The following EFCAB6 variants were observed in gnomAD, a reference collection of about 807,000 sequenced individuals.
EFCAB6 encodes the protein EF-hand calcium-binding domain-containing protein 6.
A neutral mutation model predicts 169.8 loss-of-function variants in EFCAB6; 156 were observed. The ratio of observed to expected loss-of-function variants is 0.92; its 90% CI spans 0.81 to 1.05. EFCAB6 has a LOEUF of 1.05. Among genes scored for constraint, EFCAB6 ranks in the 50% least tolerant of loss-of-function variants. The probability of loss-of-function intolerance (pLI) is 0.00; values close to 1 mark genes in which losing one functional copy is unlikely to be tolerated. For missense variants in EFCAB6, 1,800 were observed against 1,829.1 expected, an observed-to-expected ratio of 0.98 and a Z score of 0.29; for synonymous variants, 698 against 676.4, an observed-to-expected ratio of 1.03 and a Z score of -0.50.
intron 11 of EFCAB6, 140 bp from the exon 12 acceptor site, chr22:43,683,995 G>T (rs571463906): frequency 6.3e-6 from 4 of 639,088 alleles, no homozygotes; most frequent in African/African-American, 5.5e-5. Context: ...ACAGTGTGCT[G>T]CACTTGTGGG....
At chr22:43,801,894 C>T (rs547578456) in intron 2 of EFCAB6, among the ~76,000 whole-genome samples, 4 of 152,226 alleles carry the variant, frequency 2.6e-5, no homozygotes, top group Middle Eastern at 3.4e-3. Context: ...TTCATTGACT[C>T]GGTTCTCCAA....
At chr22:43,550,659 G>A (rs2048327862) in intron 27 of EFCAB6, among the ~76,000 whole-genome samples, 1 of 147,312 alleles carries the variant, frequency 6.8e-6, no homozygotes, top group African/African-American at 2.5e-5. Context: ...ATGACACAGT[G>A]AGACTCTGTC....
chr22:43,555,261 G>C (rs569284901), intron 26 of EFCAB6, among the ~76,000 whole-genome samples, 165 bp from the exon 27 acceptor site: 34 of 152,344 alleles, frequency 2.2e-4, no homozygotes, highest in African/African-American at 7.2e-4. Flanking sequence ...TCCAGCCCCA[G>C]GTCAGGCCCT....
chr22:43,784,541 G>GTGTGTGTATATA (rs1556409935), intron 2 of EFCAB6, among the ~76,000 whole-genome samples: 1 of 79,706 alleles, frequency 1.3e-5, no homozygotes, highest in South Asian at 5.1e-4. Flanking sequence ...GTGTGTGTGT[G>GTGTGTGTATATA]TGTATATGTA....
chr22:43,784,644 CATATATATGTGTATATAT>C (rs2061995588), intron 2 of EFCAB6, among the ~76,000 whole-genome samples: 1 of 81,472 alleles, frequency 1.2e-5, no homozygotes, highest in African/African-American at 4.4e-5. Context: ...TATATGTACA[CATATATATGTGTATATAT>C]ACATATACAT....
chr22:43,632,258 C>T lies in EFCAB6; in HGVS notation c.2099-20G>A, dbSNP rs377392859. ...GAGGATCTGGAACAATTACAAAGATCGGGGTTTCCATTAGTGCCCATCAGC... is the reference window on the plus strand; with the variant it reads ...GAGGATCTGGAACAATTACAAAGATTGGGGTTTCCATTAGTGCCCATCAGC... On this transcript the variant is annotated intron_variant, in intron 18 of 31. Transcript: ENST00000262726. 6.6e-5 allele frequency: 103 copies of T among 1,564,766 alleles called. No individual in the cohort carries two copies. The East Asian group carries it at 1.1e-3, about 17-fold the overall frequency.
At chr22:43,782,103 G>T in intron 3 of EFCAB6, 77 bp downstream of exon 3, 4 of 1,432,874 alleles carry the variant, frequency 2.8e-6, no homozygotes, top group Non-Finnish European at 3.8e-6. Flanking sequence ...TGAGTCCTTT[G>T]AACTAAGCTT....
chr22:43,681,577 T>G (rs1026681675), intron 12 of EFCAB6, among the ~76,000 whole-genome samples: 1 of 152,206 alleles, frequency 6.6e-6, no homozygotes, highest in Non-Finnish European at 1.5e-5. Flanking sequence ...AATTTGCATG[T>G]TTTTGTAAGA....
At chr22:43,766,655 C>T (rs1310635269) in intron 4 of EFCAB6, among the ~76,000 whole-genome samples, 1 of 152,076 alleles carries the variant, frequency 6.6e-6, no homozygotes, top group East Asian at 1.9e-4. Flanking sequence ...CTTGGGACTA[C>T]AGGTGTTCAC....
chr22:43,642,862 G>T (rs2147987359), intron 17 of EFCAB6, among the ~76,000 whole-genome samples: 1 of 152,260 alleles, frequency 6.6e-6, no homozygotes, highest in South Asian at 2.1e-4. Flanking sequence ...TAAATAATGG[G>T]ATTTCCTTTT....
intron 9 of EFCAB6, 74 bp downstream of exon 9, chr22:43,716,774 C>T (rs1176360300): frequency 1.3e-6 from 2 of 1,518,456 alleles, no homozygotes; most frequent in Non-Finnish European, 1.8e-6. Context: ...AATGTGTAAA[C>T]CTAATAGTTT....
rs1470269507 is a variant in EFCAB6, at chr22:43,675,755, TATA to T, written c.1419+2238_1419+2240del. On this transcript the variant is annotated intron_variant, in intron 13 of 31. Transcript: ENST00000262726. ...TAATTAATTAATGTAATTGTAAAAA[TATA>T]ATAATATGTAATGTATGATGTAATT... is the stretch of plus-strand genomic sequence containing the variant. 3.4e-5 allele frequency among the ~76,000 whole-genome samples: 5 copies of T among 148,242 alleles called. No homozygotes were observed. In the South Asian group the frequency reaches 1.0e-3, roughly 31 times the overall value.
intron 17 of EFCAB6, among the ~76,000 whole-genome samples, chr22:43,666,739 C>G (rs1254103292): frequency 2.5e-5 from 3 of 121,840 alleles, no homozygotes; most frequent in Non-Finnish European, 3.2e-5. Flanking sequence ...CAAACCATAG[C>G]TCTGTGATTG....
intron 17 of EFCAB6, among the ~76,000 whole-genome samples, chr22:43,657,964 C>T (rs1239420677): frequency 6.6e-6 from 1 of 152,182 alleles, no homozygotes; most frequent in African/African-American, 2.4e-5. Flanking sequence ...TGAGGTGGCT[C>T]ACATCTGTAA....
At chr22:43,717,134 C>T (rs996731871) in intron 8 of EFCAB6, among the ~76,000 whole-genome samples, 162 bp from the exon 9 acceptor site, 1 of 151,978 alleles carries the variant, frequency 6.6e-6, no homozygotes, top group Admixed American at 6.6e-5. Context: ...ACTGGCTAAA[C>T]ATTTTGGAAA....
chr22:43,681,259 T>C lies in EFCAB6; in HGVS notation c.1251+2488A>G, dbSNP rs1277068190. ...CACTCTACTAATGTTGCATATGACATTGATTTTGGGGGAAGTTAAACCAAC... is the reference window on the plus strand; with the variant it reads ...CACTCTACTAATGTTGCATATGACACTGATTTTGGGGGAAGTTAAACCAAC... On this transcript the variant is annotated intron_variant, in intron 12 of 31. Coordinates refer to ENST00000262726, the MANE Select transcript of EFCAB6 (RefSeq NM_022785.4). 3.9e-5 allele frequency among the ~76,000 whole-genome samples: 6 copies of C among 152,244 alleles called. No homozygotes were observed. In the East Asian group the frequency reaches 5.8e-4, roughly 15 times the overall value.
At chr22:43,755,880 A>G (rs771693742) in intron 5 of EFCAB6, 48 bp from the exon 6 acceptor site, 3 of 1,488,226 alleles carry the variant, frequency 2.0e-6, no homozygotes, top group South Asian at 2.5e-5. Flanking sequence ...AACCAAATAA[A>G]TGTTTACATA....
At chr22:43,720,283 C>G (rs571710732) in intron 8 of EFCAB6, among the ~76,000 whole-genome samples, 75 of 151,524 alleles carry the variant, frequency 4.9e-4, no homozygotes, top group African/African-American at 1.7e-3. Context: ...TTTGAGAGAC[C>G]GAGGCAGGAA....
intron 7 of EFCAB6, 104 bp downstream of exon 7, chr22:43,735,753 G>C: frequency 1.5e-6 from 2 of 1,322,076 alleles, no homozygotes; most frequent in Non-Finnish European, 1.0e-6. Flanking sequence ...TGTGTGGCAG[G>C]GGGAGGTGAG....
Sources: gnomAD v4.1 joint callset for allele counts (sites outside exome capture counted in the v4.1 genomes callset) on GRCh38, gnomAD v4.1.1 for gene constraint, MANE v1.5 for transcripts, NCBI Gene and HGNC (gene_info 2026-07-23, HGNC 2026-07-21) for gene names.